PTPRM: variants seen among roughly 807,000 people sequenced by gnomAD.
PTPRM encodes protein tyrosine phosphatase receptor type M.
A neutral mutation model predicts 186.7 loss-of-function variants in PTPRM; 47 were observed. That is an observed-to-expected ratio of 0.25 (90% CI 0.20 to 0.32). PTPRM has a LOEUF of 0.32. PTPRM is among the 10% of genes least tolerant of loss of function. PTPRM has a pLI of 1.00. For missense variants in PTPRM, 1,494 were observed against 1,865.0 expected, an observed-to-expected ratio of 0.80 and a Z score of 3.66; for synonymous variants, 668 against 674.9, an observed-to-expected ratio of 0.99 and a Z score of 0.16.
In PTPRM at chr18:8,290,133, G is replaced by A. The variant is rs960041272; in HGVS notation, c.2755-6235G>A. On this transcript the variant is annotated intron_variant, in intron 19 of 32. Transcript: ENST00000580170. The stretch of plus-strand genomic sequence containing the variant: ...GGGATCTAATAAAATGCGATGCTTC[G>A]AAGCACCAGAAGAGAAGTCTGAGCA... 2.6e-5 allele frequency among the ~76,000 whole-genome samples: 4 copies of A among 152,120 alleles called. No homozygotes were observed. The East Asian group carries it at 7.7e-4, about 29-fold the overall frequency.
chr18:7,997,770 G>GA (rs2083626590), intron 7 of PTPRM, among the ~76,000 whole-genome samples: 2 of 152,002 alleles, frequency 1.3e-5, no homozygotes, highest in African/African-American at 4.8e-5. Context: ...GCAGCTGTAC[G>GA]AAAAAAATGC....
intron 1 of PTPRM, among the ~76,000 whole-genome samples, chr18:7,592,243 G>A (rs948032573): frequency 6.6e-5 from 10 of 152,168 alleles, no homozygotes; most frequent in African/African-American, 1.2e-4. Flanking sequence ...ATAAAGACAC[G>A]AAATGGTTTT....
chr18:8,340,425 A>C (rs2095468013), intron 22 of PTPRM, among the ~76,000 whole-genome samples: 1 of 152,204 alleles, frequency 6.6e-6, no homozygotes, highest in African/African-American at 2.4e-5. Flanking sequence ...TGGATAAGAA[A>C]ATCACAAAAA....
At chr18:8,196,471 G>T (rs188128040) in intron 14 of PTPRM, among the ~76,000 whole-genome samples, 1 of 152,330 alleles carries the variant, frequency 6.6e-6, no homozygotes, top group East Asian at 1.9e-4. Flanking sequence ...CAGGTCAGCA[G>T]TGCGCCAGCA....
intron 19 of PTPRM, among the ~76,000 whole-genome samples, chr18:8,278,052 C>T (rs1410290784): frequency 6.6e-6 from 1 of 152,236 alleles, no homozygotes; most frequent in East Asian, 1.9e-4. Context: ...ACAGGTGGCA[C>T]ACACTGTTTC....
chr18:8,367,951 G>A (rs2095642079), intron 23 of PTPRM, among the ~76,000 whole-genome samples: 1 of 152,076 alleles, frequency 6.6e-6, no homozygotes, highest in Non-Finnish European at 1.5e-5. Context: ...TCTTGATAAG[G>A]TGTTTTTATT....
intron 22 of PTPRM, among the ~76,000 whole-genome samples, chr18:8,327,597 A>C (rs2095385731): frequency 6.6e-6 from 1 of 152,216 alleles, no homozygotes; most frequent in African/African-American, 2.4e-5. Context: ...CGCACCACTT[A>C]GACAGTAGAA....
chr18:8,235,633 C>T (rs2094337590), intron 14 of PTPRM, among the ~76,000 whole-genome samples: 1 of 150,530 alleles, frequency 6.6e-6, no homozygotes, highest in South Asian at 2.1e-4. Context: ...ATTTTATCTT[C>T]TTATTTTAGA....
At chr18:8,282,982 C>G (rs1377394007) in intron 19 of PTPRM, among the ~76,000 whole-genome samples, 3 of 152,154 alleles carry the variant, frequency 2.0e-5, no homozygotes, top group African/African-American at 7.2e-5. Context: ...GAAGCCAGTA[C>G]TTGATGATTC....
intron 7 of PTPRM, among the ~76,000 whole-genome samples, chr18:8,037,375 T>C (rs1351067769): frequency 1.3e-5 from 2 of 152,220 alleles, no homozygotes; most frequent in Admixed American, 6.5e-5. Context: ...ATGGCTTCTT[T>C]AGATGTTTGA....
intron 24 of PTPRM, among the ~76,000 whole-genome samples, chr18:8,372,738 A>G (rs2095670938): frequency 6.6e-6 from 1 of 150,824 alleles, no homozygotes; most frequent in Non-Finnish European, 1.5e-5. Context: ...AAAAAAACAC[A>G]TGGAGGATTT....
rs546607133 is a variant in PTPRM, at chr18:7,760,851, C to G, written c.74-13298C>G. On this transcript the variant is annotated intron_variant, in intron 1 of 32. Coordinates refer to ENST00000580170, the MANE Select transcript of PTPRM (RefSeq NM_001105244.2). ...ACCTATGCTCCTTCTGGTGGCAAAT[C>G]TACATTCTTTCCACCCTAGCTCCAT... 2.0e-5 allele frequency among the ~76,000 whole-genome samples: 3 copies of G among 152,076 alleles called. No homozygotes were observed. The East Asian group carries it at 5.8e-4, about 29-fold the overall frequency.
intron 3 of PTPRM, among the ~76,000 whole-genome samples, chr18:7,904,929 C>T (rs2049896770): frequency 6.6e-6 from 1 of 152,154 alleles, no homozygotes; most frequent in Admixed American, 6.5e-5. Flanking sequence ...CACTTTTAGT[C>T]AATTAATCAG....
chr18:7,604,326 G>C (rs906316340), intron 1 of PTPRM, among the ~76,000 whole-genome samples: 1 of 152,210 alleles, frequency 6.6e-6, no homozygotes, highest in Admixed American at 6.5e-5. Context: ...GGTAAGGCTG[G>C]AGGTTCGTGA....
At chr18:7,788,795 G>C (rs1013142475) in intron 2 of PTPRM, among the ~76,000 whole-genome samples, 2 of 152,150 alleles carry the variant, frequency 1.3e-5, no homozygotes, top group East Asian at 1.9e-4. Context: ...TATTTGAAAG[G>C]CATCATAGAC....
chr18:7,812,113 A>C (rs1456453154), intron 2 of PTPRM, among the ~76,000 whole-genome samples: 1 of 150,668 alleles, frequency 6.6e-6, no homozygotes, highest in African/African-American at 2.5e-5. Flanking sequence ...TTGATGCGTT[A>C]TTACCAACTT....
chr18:8,300,696 G>A (rs373242451), intron 20 of PTPRM, among the ~76,000 whole-genome samples: 10 of 152,046 alleles, frequency 6.6e-5, no homozygotes, highest in East Asian at 1.9e-4. Flanking sequence ...CTGGGGCTAC[G>A]TTTTCTAGCC....
chr18:7,982,441 G>A (rs1410835073), intron 7 of PTPRM, among the ~76,000 whole-genome samples: 1 of 151,774 alleles, frequency 6.6e-6, no homozygotes, highest in South Asian at 2.1e-4. Flanking sequence ...AACACTCATG[G>A]AGCTGTCATC....
At chr18:8,206,268 A>ATTTTTTTTTTTTTTTTTTTTTT (rs1238112461) in intron 14 of PTPRM, among the ~76,000 whole-genome samples, 6 of 149,092 alleles carry the variant, frequency 4.0e-5, no homozygotes, top group African/African-American at 1.6e-4. Flanking sequence ...ATTTTATTTT[A>ATTTTTTTTTTTTTTTTTTTTTT]TTTTGAGACG....
Sources: allele counts gnomAD v4.1 joint callset (sites outside exome capture counted in the v4.1 genomes callset), GRCh38; gene constraint gnomAD v4.1.1; transcripts MANE v1.5; gene names NCBI Gene and HGNC (gene_info 2026-07-23, HGNC 2026-07-21).